Variants in DPYD observed in about 807,000 individuals in gnomAD.
The protein encoded by DPYD is dihydropyrimidine dehydrogenase.
A neutral mutation model predicts 116.2 loss-of-function variants in DPYD; 109 were observed. That is an observed-to-expected ratio of 0.94 (90% CI 0.80 to 1.10). The LOEUF is 1.10. DPYD is among the 50% of genes least tolerant of loss of function. The pLI is 0.00. For missense variants in DPYD, 1,302 were observed against 1,254.5 expected (o/e 1.04, Z -0.57); for synonymous variants, 440 against 432.0 (o/e 1.02, Z -0.23).
chr1:97,577,433 T>C (rs1461446687), intron 10 of DPYD, among the ~76,000 whole-genome samples: 1 of 152,180 alleles, frequency 6.6e-6, no homozygotes, highest in Non-Finnish European at 1.5e-5. Flanking sequence ...TGTGCCTGCT[T>C]GCTTTAAACC....
intron 18 of DPYD, among the ~76,000 whole-genome samples, chr1:97,284,781 C>T (rs1209965269): frequency 6.6e-6 from 1 of 152,116 alleles, no homozygotes; most frequent in Non-Finnish European, 1.5e-5. Context: ...TGGAGAAATT[C>T]CTATGGCTAT....
At chr1:97,528,838 T>C (rs776102232) in intron 12 of DPYD, among the ~76,000 whole-genome samples, 6 of 152,304 alleles carry the variant, frequency 3.9e-5, no homozygotes, top group African/African-American at 7.2e-5. Context: ...TCAAATCTGT[T>C]CTTTACTCTG....
chr1:97,546,804 G>C (rs1650902567), intron 12 of DPYD: 1 of 1,612,800 alleles, frequency 6.2e-7, no homozygotes, highest in Non-Finnish European at 8.5e-7. Flanking sequence ...GTTTGGATCA[G>C]ATTAAACCAT....
intron 14 of DPYD, among the ~76,000 whole-genome samples, chr1:97,401,877 A>G (rs7512213): frequency 0.12 from 18,021 of 152,124 alleles, 1,404 homozygotes; most frequent in South Asian, 0.28. Context: ...CATTTGGTAA[A>G]TTACTATGTA....
At chr1:97,827,778 C>A (rs1669312006) in intron 3 of DPYD, among the ~76,000 whole-genome samples, 1 of 152,016 alleles carries the variant, frequency 6.6e-6, no homozygotes, top group African/African-American at 2.4e-5. Context: ...AATTAAAGCA[C>A]CATTGTACAA....
intron 8 of DPYD, among the ~76,000 whole-genome samples, chr1:97,609,914 C>G (rs891758252): frequency 2.0e-5 from 3 of 151,912 alleles, no homozygotes; most frequent in Non-Finnish European, 4.4e-5. Flanking sequence ...TAAGCCACAC[C>G]CACTTAAACT....
intron 14 of DPYD, among the ~76,000 whole-genome samples, chr1:97,401,032 T>C (rs193193607): frequency 5.1e-4 from 78 of 152,220 alleles, no homozygotes; most frequent in African/African-American, 1.8e-3. Flanking sequence ...TGGTACCTCA[T>C]TGTTGTTTTA....
intron 3 of DPYD, among the ~76,000 whole-genome samples, chr1:97,753,973 T>C (rs920649353): frequency 5.3e-4 from 80 of 152,170 alleles, no homozygotes; most frequent in African/African-American, 1.9e-3. Context: ...AACTATTGTG[T>C]GGGACCACTA....
chr1:97,308,947 G>A (rs1667322040), intron 16 of DPYD, among the ~76,000 whole-genome samples: 1 of 151,834 alleles, frequency 6.6e-6, no homozygotes, highest in Non-Finnish European at 1.5e-5. Context: ...ATTATTGACT[G>A]CTCTATTTCT....
At chr1:97,443,853 T>C (rs1290345912) in intron 14 of DPYD, among the ~76,000 whole-genome samples, 1 of 152,232 alleles carries the variant, frequency 6.6e-6, no homozygotes, top group East Asian at 1.9e-4. Flanking sequence ...TTTGCAGAGG[T>C]AGTCTTCGTG....
At chr1:97,348,322 T>C (rs1669963580) in intron 16 of DPYD, among the ~76,000 whole-genome samples, 1 of 152,176 alleles carries the variant, frequency 6.6e-6, no homozygotes, top group Non-Finnish European at 1.5e-5. Flanking sequence ...TGCTGTCGAA[T>C]CGTAATTTGA....
intron 8 of DPYD, among the ~76,000 whole-genome samples, chr1:97,627,840 CACATAT>C (rs1464750346): frequency 2.0e-5 from 3 of 151,298 alleles, no homozygotes; most frequent in Non-Finnish European, 2.9e-5. Context: ...TTATATAAAA[CACATAT>C]ACATATACAA....
Position 97,112,608 on chromosome 1 carries a change from A to T in DPYD, c.2623-13976T>A, listed in dbSNP as rs558538152. Among the ~76,000 whole-genome samples the T allele has an allele frequency of 1.1e-4, 16 of 152,242 alleles. No individual in the cohort carries two copies. In the East Asian group the frequency reaches 2.1e-3, roughly 20 times the overall value. On this transcript the variant is annotated intron_variant, in intron 20 of 22. Transcript: ENST00000370192. ...ACAACATCTTCTCTAAACAGAAGAG[A>T]CTTGAATTCATCAGGGATTCCTGTA...
intron 19 of DPYD, among the ~76,000 whole-genome samples, chr1:97,207,627 A>C (rs12088567): frequency 0.028 from 4,189 of 152,270 alleles, 160 homozygotes; most frequent in African/African-American, 0.089. Flanking sequence ...CAATGACTGA[A>C]TTCACACTAT....
intron 13 of DPYD, among the ~76,000 whole-genome samples, chr1:97,507,510 A>C (rs1211899875): frequency 6.6e-6 from 1 of 152,016 alleles, no homozygotes; most frequent in Non-Finnish European, 1.5e-5. Context: ...TAAGTAAATC[A>C]GTTTTATTTA....
chr1:97,497,222 T>C (rs151170812), intron 13 of DPYD, among the ~76,000 whole-genome samples: 251 of 152,100 alleles, frequency 1.7e-3, no homozygotes, highest in Non-Finnish European at 2.6e-3. Context: ...TAATTCTGTA[T>C]GTTTTGCTCA....
intron 18 of DPYD, among the ~76,000 whole-genome samples, chr1:97,266,416 C>T (rs1040207591): frequency 1.3e-5 from 2 of 152,130 alleles, no homozygotes; most frequent in Admixed American, 6.6e-5. Flanking sequence ...TTAAACAAAT[C>T]ATTGCTGTGT....
At chr1:97,785,222 T>C (rs1666954727) in intron 3 of DPYD, among the ~76,000 whole-genome samples, 1 of 152,176 alleles carries the variant, frequency 6.6e-6, no homozygotes, top group Admixed American at 6.5e-5. Context: ...ATTGAACGTT[T>C]AATAATTATG....
At chr1:97,283,279 G>A (rs1386743141) in intron 18 of DPYD, among the ~76,000 whole-genome samples, 14 of 151,990 alleles carry the variant, frequency 9.2e-5, no homozygotes, top group Non-Finnish European at 1.3e-4. Context: ...TTTTATATGC[G>A]ATATTCTTGG....
Sources: allele counts gnomAD v4.1 joint callset (sites outside exome capture counted in the v4.1 genomes callset), GRCh38; gene constraint gnomAD v4.1.1; transcripts MANE v1.5; gene names NCBI Gene and HGNC (gene_info 2026-07-23, HGNC 2026-07-21).